The following LUC7L2 variants were observed in gnomAD, a reference collection of about 807,000 sequenced individuals.
The protein encoded by LUC7L2 is LUC7 like 2, pre-mRNA splicing factor.
In LUC7L2, 25 loss-of-function variants were observed where a neutral mutation model predicts 52.8. The ratio of observed to expected loss-of-function variants is 0.47; its 90% CI spans 0.34 to 0.66. The LOEUF (loss-of-function observed/expected upper bound fraction) is 0.66. Ranked by LOEUF, LUC7L2 falls within the 30% of genes least tolerant of loss-of-function variation. The pLI is 0.01. For synonymous variants in LUC7L2, 144 were observed against 160.9 expected (o/e 0.89, Z 0.80); for missense variants, 328 against 497.8 (o/e 0.66, Z 3.25).
intron 4 of LUC7L2, among the ~76,000 whole-genome samples, chr7:139,403,348 T>C (rs761532409): frequency 6.6e-6 from 1 of 152,230 alleles, no homozygotes; most frequent in Non-Finnish European, 1.5e-5. Context: ...AACATAATTA[T>C]ATTCCATTCA....
intron 9 of LUC7L2, 51 bp downstream of exon 9, chr7:139,417,780 T>C: frequency 6.4e-7 from 1 of 1,565,626 alleles, no homozygotes; most frequent in Non-Finnish European, 8.7e-7. Flanking sequence ...GTTTTAGAGT[T>C]GTTTATGTTT....
At chr7:139,361,671 T>G (rs1799890708) in intron 1 of LUC7L2, among the ~76,000 whole-genome samples, 1 of 152,232 alleles carries the variant, frequency 6.6e-6, no homozygotes, top group South Asian at 2.1e-4. Flanking sequence ...TAACTTAAAA[T>G]GCCACTGGAG....
chr7:139,341,656 C>A, intron 1 of LUC7L2: 2 of 1,404,702 alleles, frequency 1.4e-6, no homozygotes, highest in East Asian at 5.3e-5. Flanking sequence ...TGGTTCTGAC[C>A]AAACCAACCC....
At chr7:139,350,205 T>G (rs1799406750) in intron 1 of LUC7L2, among the ~76,000 whole-genome samples, 1 of 152,092 alleles carries the variant, frequency 6.6e-6, no homozygotes, top group Non-Finnish European at 1.5e-5. Context: ...CACTGCAAGC[T>G]CCGCCTCCCG....
chr7:139,349,324 C>T (rs771164464), intron 1 of LUC7L2, among the ~76,000 whole-genome samples: 4 of 152,176 alleles, frequency 2.6e-5, no homozygotes, highest in African/African-American at 7.2e-5. Flanking sequence ...GAAGTGTATG[C>T]GTATTATGTT....
At chr7:139,341,725 G>T (rs1798985567) in intron 1 of LUC7L2, among the ~76,000 whole-genome samples, 1 of 152,168 alleles carries the variant, frequency 6.6e-6, no homozygotes, top group South Asian at 2.1e-4. Context: ...GCGGGGGGGG[G>T]CGCAGAGTCG....
At chr7:139,359,637 C>T (rs1316061517), upstream of LUC7L2, 2 of 397,340 alleles carry the variant, frequency 5.0e-6, no homozygotes, top group Non-Finnish European at 8.9e-6. Flanking sequence ...GCGGGCAGCG[C>T]AGCCTTAGCC....
intron 3 of LUC7L2, among the ~76,000 whole-genome samples, chr7:139,401,854 A>C (rs1300282847): frequency 2.0e-5 from 3 of 150,992 alleles, no homozygotes; most frequent in Admixed American, 6.6e-5. Flanking sequence ...CTTTGGGCCC[A>C]AGTGTTCCTT....
Position 139,376,254 on chromosome 7 carries a change from A to AG in LUC7L2, c.156+102dup, listed in dbSNP as rs1408987269. On this transcript the variant is annotated intron_variant, in intron 2 of 9. Transcript: ENST00000354926. ...TCTGTGTCAAAAGAATTGACTTGTG[A>AG]GGGGAGATTTGCATCCTTTATTGTT... The AG allele has an allele frequency of 8.0e-6, 10 of 1,249,060 alleles. No individual in the cohort carries two copies. In the East Asian group the frequency reaches 2.0e-4, roughly 25 times the overall value. 77.4% of individuals were successfully genotyped at this position (1,249,060 alleles called of 1,614,324 possible). A position where few individuals can be genotyped will look rare whatever the true frequency, so the allele number is the denominator to read the frequency against.
intron 9 of LUC7L2, among the ~76,000 whole-genome samples, chr7:139,421,902 T>C (rs1432902027): frequency 6.6e-6 from 1 of 152,230 alleles, no homozygotes. Context: ...AAACTCTGTG[T>C]TGTCTCTGAG....
At chr7:139,412,217 T>TAAA (rs374245116) in intron 7 of LUC7L2, among the ~76,000 whole-genome samples, 3 of 124,890 alleles carry the variant, frequency 2.4e-5, no homozygotes, top group East Asian at 2.3e-4. Flanking sequence ...ATGTAAAAAT[T>TAAA]AAAAAAAAAA....
upstream of LUC7L2, among the ~76,000 whole-genome samples, chr7:139,357,308 C>A (rs1192108877): frequency 6.6e-6 from 1 of 152,104 alleles, no homozygotes; most frequent in East Asian, 1.9e-4. Context: ...TATAAATCAT[C>A]AATGCTTCCA....
At chr7:139,372,960 T>G (rs1327064512) in intron 1 of LUC7L2, among the ~76,000 whole-genome samples, 1 of 152,162 alleles carries the variant, frequency 6.6e-6, no homozygotes, top group Non-Finnish European at 1.5e-5. Flanking sequence ...ACAGGATACT[T>G]TTTCCCCCAT....
intron 1 of LUC7L2, among the ~76,000 whole-genome samples, chr7:139,370,551 A>T (rs1211214311): frequency 1.3e-5 from 2 of 152,102 alleles, no homozygotes; most frequent in Non-Finnish European, 2.9e-5. Flanking sequence ...TCCAACTCCC[A>T]GGTTCAAGCG....
intron 1 of LUC7L2, among the ~76,000 whole-genome samples, 167 bp downstream of exon 1, chr7:139,360,489 G>A (rs1585072215): frequency 2.0e-5 from 3 of 152,344 alleles, no homozygotes; most frequent in African/African-American, 7.2e-5. Context: ...TCGGCAGGCG[G>A]GCAGGGGGGG....
intron 5 of LUC7L2, among the ~76,000 whole-genome samples, chr7:139,406,861 T>G (rs933825891): frequency 6.6e-6 from 1 of 151,932 alleles, no homozygotes; most frequent in Non-Finnish European, 1.5e-5. Flanking sequence ...GATTTTATTG[T>G]TTTTTTCTTG....
intron 1 of LUC7L2, among the ~76,000 whole-genome samples, chr7:139,348,596 G>A (rs1321518254): frequency 1.3e-5 from 2 of 151,770 alleles, no homozygotes; most frequent in Non-Finnish European, 2.9e-5. Flanking sequence ...GTGTGTGCCT[G>A]TAGTCCCAGC....
At chr7:139,420,202 G>A (rs1252181966) in intron 9 of LUC7L2, among the ~76,000 whole-genome samples, 2 of 152,030 alleles carry the variant, frequency 1.3e-5, no homozygotes, top group Admixed American at 6.6e-5. Flanking sequence ...TTTAGGCTAA[G>A]TAATTTATTT....
At chr7:139,346,717 C>T (rs535271047) in intron 1 of LUC7L2, among the ~76,000 whole-genome samples, 20 of 152,256 alleles carry the variant, frequency 1.3e-4, no homozygotes, top group Non-Finnish European at 2.4e-4. Flanking sequence ...GGAACATGGC[C>T]ACAGCTCAGC....
Sources: gnomAD v4.1 joint callset for allele counts (sites outside exome capture counted in the v4.1 genomes callset) on GRCh38, gnomAD v4.1.1 for gene constraint, MANE v1.5 for transcripts, NCBI Gene and HGNC (gene_info 2026-07-23, HGNC 2026-07-21) for gene names.